The following EIF5A2 variants were observed in gnomAD, a reference collection of about 807,000 sequenced individuals.
EIF5A2 encodes the protein eukaryotic translation initiation factor 5A2, also known as eukaryotic translation initiation factor 5A-2.
EIF5A2 carries 15 observed loss-of-function variants against 16.4 expected under a neutral mutation model. The observed-to-expected ratio is 0.92, with a 90% CI of 0.61 to 1.41. The LOEUF is 1.41. Among genes scored for constraint, EIF5A2 ranks in the 40% most tolerant of loss-of-function variants. EIF5A2 has a pLI of 0.00. For missense variants in EIF5A2, 144 were observed against 189.5 expected (o/e 0.76, Z 1.41); for synonymous variants, 48 against 61.1 (o/e 0.79, Z 1.00).
chr3:170,906,096 A>C (rs780656138), intron 3 of EIF5A2, among the ~76,000 whole-genome samples: 18 of 151,632 alleles, frequency 1.2e-4, no homozygotes, highest in Admixed American at 2.0e-4. Flanking sequence ...AAATTTATAC[A>C]ATACAACAAA....
chr3:170,896,506 T>G (rs1712676659), intron 3 of EIF5A2, among the ~76,000 whole-genome samples: 1 of 152,144 alleles, frequency 6.6e-6, no homozygotes, highest in Non-Finnish European at 1.5e-5. Context: ...TGATAGTGAG[T>G]GAGTTCTCTT....
intron 3 of EIF5A2, among the ~76,000 whole-genome samples, chr3:170,894,789 G>A (rs1712627458): frequency 1.3e-5 from 2 of 150,876 alleles, no homozygotes; most frequent in African/African-American, 2.4e-5. Flanking sequence ...CACTTTGGGA[G>A]GCCGAGGCGG....
chr3:170,894,586 G>A (rs887608105), intron 3 of EIF5A2, among the ~76,000 whole-genome samples, 163 bp from the exon 4 acceptor site: 1 of 152,044 alleles, frequency 6.6e-6, no homozygotes, highest in African/African-American at 2.4e-5. Flanking sequence ...TATAAAATAT[G>A]TACAGAATGG....
Position 170,892,885 on chromosome 3 carries a change from T to C in EIF5A2, c.*475A>G. ...GATAACATGATTTTTGTTTAAGGAT[T>C]TGTGTTTGCCCTACACAGGCTGAAA... On this transcript the variant is annotated 3_prime_UTR_variant, in exon 5 of 5. Transcript: ENST00000295822. The C allele has an allele frequency of 5.0e-6, 2 of 398,984 alleles. No individual in the cohort carries two copies. Among genetic ancestry groups the C allele is most frequent in the Admixed American group, 8.8e-5 (2 of 22,734 alleles). The allele number at this position is 398,984 out of a possible 1,614,324, so 24.7% of individuals were successfully genotyped here.
chr3:170,893,145 A>T lies in EIF5A2; in HGVS notation c.*215T>A. On this transcript the variant is annotated 3_prime_UTR_variant, in exon 5 of 5. Coordinates refer to ENST00000295822, the MANE Select transcript of EIF5A2 (RefSeq NM_020390.6). ...ATACTGAAAACCACAGGAATATTAT[A>T]GGAAACATATCTACAAAATTCAAAA... is the stretch of plus-strand genomic sequence containing the variant. 2.2e-6 allele frequency: 1 copy of T among 462,326 alleles called. No individual in the cohort carries two copies. Among genetic ancestry groups the T allele is most frequent in the Non-Finnish European group, 3.8e-6 (1 of 265,306 alleles). 28.6% of individuals were successfully genotyped at this position (462,326 alleles called of 1,614,324 possible).
At chr3:170,902,363 A>G (rs1021228626) in intron 3 of EIF5A2, among the ~76,000 whole-genome samples, 1 of 150,250 alleles carries the variant, frequency 6.7e-6, no homozygotes, top group Non-Finnish European at 1.5e-5. Context: ...GTGGATTTGC[A>G]CTGATTATGA....
chr3:170,889,918 A>G lies in EIF5A2; in HGVS notation c.*3442T>C, dbSNP rs1712488600. ...TTCCAGTATGGATGCTACTGTTTCC[A>G]TTTTTTTCTTGACTATTTAGCATGT... On this transcript the variant is annotated 3_prime_UTR_variant, in exon 5 of 5. Transcript: ENST00000295822. 6.6e-6 allele frequency: 1 copy of G among 152,352 alleles called. No homozygotes were observed. Among genetic ancestry groups the G allele is most frequent in the African/African-American group, 2.4e-5 (1 of 41,390 alleles). 9.4% of individuals were successfully genotyped at this position (152,352 alleles called of 1,614,324 possible).
rs1405163239 is a variant in EIF5A2 at position 170,891,536 on chromosome 3, T to TAA, written c.*1822_*1823dup. 2 of 152,324 alleles carry TAA rather than the reference T, an allele frequency of 1.3e-5. No individual in the cohort carries two copies. Among genetic ancestry groups the TAA allele is most frequent in the African/African-American group, 4.8e-5 (2 of 41,458 alleles). 9.4% of individuals were successfully genotyped at this position (152,324 alleles called of 1,614,324 possible). ...TAAAAGTGTGTACAAATTAAGCAACTAAAACTTGGGATCTTCTGTTACTAA... is the reference window on the plus strand; with the variant it reads ...TAAAAGTGTGTACAAATTAAGCAACTAAAAAACTTGGGATCTTCTGTTACTAA... On this transcript the variant is annotated 3_prime_UTR_variant, in exon 5 of 5. Transcript: ENST00000295822.
chr3:170,899,229 T>TG (rs1712746540), intron 3 of EIF5A2, among the ~76,000 whole-genome samples: 1 of 151,898 alleles, frequency 6.6e-6, no homozygotes, highest in Non-Finnish European at 1.5e-5. Flanking sequence ...TTTTGTTTTT[T>TG]GGGGGGTTTG....
At chr3:170,900,247 G>A (rs1712776784) in intron 3 of EIF5A2, among the ~76,000 whole-genome samples, 1 of 151,560 alleles carries the variant, frequency 6.6e-6, no homozygotes, top group African/African-American at 2.4e-5. Context: ...GGCACCTGGA[G>A]TCCCAGCTAC....
In EIF5A2 at chr3:170,889,048, C is replaced by CTTTTTTGTTTT. The variant is rs1712457783; in HGVS notation, c.*4311_*4312insAAAACAAAAAA. On this transcript the variant is annotated 3_prime_UTR_variant, in exon 5 of 5. Coordinates refer to ENST00000295822, the MANE Select transcript of EIF5A2 (RefSeq NM_020390.6). ...ACTTCATATAAATACAATAACCTGT[C>CTTTTTTGTTTT]TTTTTTTTTTTTTTTTTTTTTTTGT... is the stretch of plus-strand genomic sequence containing the variant. 1.0e-5 allele frequency: 1 copy of CTTTTTTGTTTT among 96,188 alleles called. No individual in the cohort carries two copies. The highest frequency in any genetic ancestry group is 1.9e-5 in the Non-Finnish European group (1 of 52,950). The allele number at this position is 96,188 out of a possible 1,614,324, so 6.0% of individuals were successfully genotyped here. A position where few individuals can be genotyped will look rare whatever the true frequency, so the allele number is the denominator to read the frequency against.
intron 3 of EIF5A2, among the ~76,000 whole-genome samples, chr3:170,895,785 G>A (rs1311472365): frequency 6.6e-6 from 1 of 152,156 alleles, no homozygotes; most frequent in Non-Finnish European, 1.5e-5. Flanking sequence ...ATATTTGTGA[G>A]GTGGCTGGTA....
rs375588598 is a variant in EIF5A2, at chr3:170,896,861, A to G, written c.271-2438T>C. 1.3e-3 allele frequency among the ~76,000 whole-genome samples: 201 copies of G among 152,326 alleles called. 4 individuals carry two copies. The South Asian group carries it at 0.038, about 29-fold the overall frequency. Reference sequence around the variant, plus strand: ...GATGAGGGAGAATTTGAAACTTCCTAGAGACTTGTTGAATGGATTTGAACA... The same window carrying G: ...GATGAGGGAGAATTTGAAACTTCCTGGAGACTTGTTGAATGGATTTGAACA... On this transcript the variant is annotated intron_variant, in intron 3 of 4. Transcript: ENST00000295822.
rs956056069 is a variant in EIF5A2, at chr3:170,893,211, G to C, written c.*149C>G. ...GATAATTTTTTAAAAATTATCAATT[G>C]CTTGCAAAACTAACCCAGCACAATC... On this transcript the variant is annotated 3_prime_UTR_variant, in exon 5 of 5. Transcript: ENST00000295822. The C allele has an allele frequency of 3.4e-6, 2 of 591,580 alleles. No individual in the cohort carries two copies. The highest frequency in any genetic ancestry group is 5.3e-6 in the Non-Finnish European group (2 of 380,760). The allele number at this position is 591,580 out of a possible 1,614,324, so 36.6% of individuals were successfully genotyped here.
Position 170,892,194 on chromosome 3 carries a change from A to C in EIF5A2, c.*1166T>G, listed in dbSNP as rs976425480. ...GTAATCCCAGCACTTTGGGAGGCTG[A>C]GGCAGGTGGATCACCTGAGGTCAGG... On this transcript the variant is annotated 3_prime_UTR_variant, in exon 5 of 5. Coordinates refer to ENST00000295822, the MANE Select transcript of EIF5A2 (RefSeq NM_020390.6). The C allele has an allele frequency of 6.6e-6, 1 of 152,626 alleles. No homozygotes were observed. Among genetic ancestry groups the C allele is most frequent in the Admixed American group, 6.5e-5 (1 of 15,288 alleles). The allele number at this position is 152,626 out of a possible 1,614,324, so 9.5% of individuals were successfully genotyped here. A position where few individuals can be genotyped will look rare whatever the true frequency, so the allele number is the denominator to read the frequency against.
At position 170,889,485 on chromosome 3, in the gene EIF5A2, T is replaced by C. The variant is rs748218442; in HGVS notation, c.*3875A>G. The C allele has an allele frequency of 1.3e-5, 2 of 152,376 alleles. No homozygotes were observed. The highest frequency in any genetic ancestry group is 2.4e-5 in the African/African-American group (1 of 41,458). 9.4% of individuals were successfully genotyped at this position (152,376 alleles called of 1,614,324 possible). ...CCATAAATTTTTCTTAAATCTTTGT[T>C]GCCTGTTACTTGTCTGAATGTTAGC... On this transcript the variant is annotated 3_prime_UTR_variant, in exon 5 of 5. Coordinates refer to ENST00000295822, the MANE Select transcript of EIF5A2 (RefSeq NM_020390.6).
chr3:170,904,963 C>T (rs896141341), intron 3 of EIF5A2, among the ~76,000 whole-genome samples: 1 of 152,186 alleles, frequency 6.6e-6, no homozygotes, highest in African/African-American at 2.4e-5. Flanking sequence ...CAAAGTAAGA[C>T]TAGGACCAGG....
At chr3:170,897,517 G>A (rs942926057) in intron 3 of EIF5A2, among the ~76,000 whole-genome samples, 1 of 152,238 alleles carries the variant, frequency 6.6e-6, no homozygotes, top group Non-Finnish European at 1.5e-5. Flanking sequence ...AAGGGGTCAA[G>A]GTACAGCTTG....
At chr3:170,894,463 T>C (rs768889758) in intron 3 of EIF5A2, 40 bp from the exon 4 acceptor site, 3 of 1,597,574 alleles carry the variant, frequency 1.9e-6, no homozygotes, top group Non-Finnish European at 2.6e-6. Context: ...GATTAGATTA[T>C]ATCCACTTCT....
Sources: allele counts gnomAD v4.1 joint callset (sites outside exome capture counted in the v4.1 genomes callset), GRCh38; gene constraint gnomAD v4.1.1; transcripts MANE v1.5; gene names NCBI Gene and HGNC (gene_info 2026-07-23, HGNC 2026-07-21).